The following FAM149A variants were observed in gnomAD, a reference collection of about 807,000 sequenced individuals.
FAM149A encodes the protein protein FAM149A.
Under a neutral mutation model 78.2 loss-of-function variants are expected in FAM149A, and 71 were observed. The ratio of observed to expected loss-of-function variants is 0.91; its 90% CI spans 0.75 to 1.11. The LOEUF (loss-of-function observed/expected upper bound fraction) is 1.11, where lower values mean the gene tolerates loss of function less well. Among genes scored for constraint, FAM149A ranks in the 50% least tolerant of loss-of-function variants. The probability of loss-of-function intolerance (pLI) is 0.00; values close to 1 mark genes in which losing one functional copy is unlikely to be tolerated. For missense variants in FAM149A, 1,036 were observed against 971.0 expected, an observed-to-expected ratio of 1.07 and a Z score of -0.89; for synonymous variants, 446 against 410.5, an observed-to-expected ratio of 1.09 and a Z score of -1.04.
intron 1 of FAM149A, chr4:186,125,300 G>A (rs903387711): frequency 3.0e-5 from 30 of 985,128 alleles, no homozygotes; most frequent in Middle Eastern, 5.2e-4. Flanking sequence ...CCTGCTTCTC[G>A]AACCATATCT....
At chr4:186,106,115 T>G (rs1008865988) in intron 1 of FAM149A, among the ~76,000 whole-genome samples, 1 of 152,196 alleles carries the variant, frequency 6.6e-6, no homozygotes, top group African/African-American at 2.4e-5. Context: ...GGGATGGGTC[T>G]CCTTTGTGTG....
chr4:186,105,499 C>CAG lies in FAM149A; in HGVS notation c.424_425dup (p.Asn143GlyfsTer62). On this transcript the variant is annotated frameshift_variant, in exon 1 of 14. Coordinates refer to ENST00000389354, the MANE Select transcript of FAM149A (RefSeq NM_001367768.3). LOFTEE classifies it high-confidence loss of function. ...CCGGCGGGGTCTGGGCCGCGCTCCC[C>CAG]AGGAACCCGCTCCAGCCTGGCCCCG... 1 of 1,186,906 alleles carries CAG rather than the reference C, an allele frequency of 8.4e-7. No homozygotes were observed. The highest frequency in any genetic ancestry group is 1.5e-5 in the South Asian group (1 of 65,902). The allele number at this position is 1,186,906 out of a possible 1,614,324, so 73.5% of individuals were successfully genotyped here. A position where few individuals can be genotyped will look rare whatever the true frequency, so the allele number is the denominator to read the frequency against.
At chr4:186,162,812 T>TC in intron 8 of FAM149A, 33 bp from the exon 9 acceptor site, 1 of 113,654 alleles carries the variant, frequency 8.8e-6, no homozygotes, top group East Asian at 1.0e-4. Flanking sequence ...TTGTAATTCT[T>TC]TTTTTTTTTT....
chr4:186,113,815 T>C (rs1380893402), intron 1 of FAM149A, among the ~76,000 whole-genome samples: 1 of 150,636 alleles, frequency 6.6e-6, no homozygotes, highest in African/African-American at 2.4e-5. Flanking sequence ...TACTTCCAAG[T>C]ATGTGGTCAA....
intron 8 of FAM149A, chr4:186,158,679 T>A: frequency 9.2e-7 from 1 of 1,090,954 alleles, no homozygotes; most frequent in Admixed American, 4.3e-5. Context: ...CTGCACGCAC[T>A]GCTGCTCAGC....
At chr4:186,149,031 TGC>T (rs762672222) in intron 1 of FAM149A, 140 bp from the exon 2 acceptor site, 1 of 339,452 alleles carries the variant, frequency 2.9e-6, no homozygotes, top group Non-Finnish European at 5.5e-6. Context: ...TGTGTGTGTG[TGC>T]GCTCATGCAC....
chr4:186,158,300 C>T, intron 8 of FAM149A: 1 of 1,218,724 alleles, frequency 8.2e-7, no homozygotes, highest in Non-Finnish European at 1.0e-6. Context: ...GGCGTCTTGG[C>T]TAGCCCACCT....
chr4:186,156,509 A>C (rs1734040522), intron 7 of FAM149A, among the ~76,000 whole-genome samples: 1 of 152,160 alleles, frequency 6.6e-6, no homozygotes, highest in African/African-American at 2.4e-5. Flanking sequence ...GCCTACCTCT[A>C]CTAAAAATAC....
intron 1 of FAM149A, among the ~76,000 whole-genome samples, chr4:186,132,500 C>T (rs1460594524): frequency 6.6e-6 from 1 of 152,140 alleles, no homozygotes; most frequent in Admixed American, 6.5e-5. Flanking sequence ...AGGTCTCAAC[C>T]GATTTAGAAA....
chr4:186,150,927 G>C (rs1009894660), intron 3 of FAM149A: 1 of 384,188 alleles, frequency 2.6e-6, no homozygotes, highest in African/African-American at 2.2e-5. Context: ...TCACCATGTT[G>C]GCCAGGCTGG....
At chr4:186,129,148 TGTGTCTGTGC>T (rs199854734) in intron 1 of FAM149A, among the ~76,000 whole-genome samples, 21,887 of 142,844 alleles carry the variant, frequency 0.15, 1,662 homozygotes, top group Middle Eastern at 0.21. Flanking sequence ...TGTGTCTGTG[TGTGTCTGTGC>T]ATGTGTGTAT....
At chr4:186,143,089 A>ATAAAAG (rs1003827240) in intron 1 of FAM149A, among the ~76,000 whole-genome samples, 10 of 151,920 alleles carry the variant, frequency 6.6e-5, no homozygotes, top group Admixed American at 5.2e-4. Context: ...AATAATATAT[A>ATAAAAG]TAAAAGTAAA....
chr4:186,171,030 C>A (rs1270498959), intron 13 of FAM149A: 2 of 152,426 alleles, frequency 1.3e-5, no homozygotes, highest in East Asian at 3.9e-4. Flanking sequence ...AGAACCACAT[C>A]TTTCTGCGGT....
In FAM149A at chr4:186,144,919, C is replaced by A. The variant is rs1222410860; in HGVS notation, c.567-4254C>A. On this transcript the variant is annotated intron_variant, in intron 1 of 13. Coordinates refer to ENST00000389354, the MANE Select transcript of FAM149A (RefSeq NM_001367768.3). The surrounding 1 kb of genome is among the most constrained non-coding windows in gnomAD (Gnocchi z 4.2). ...CCCGGGCCGCCTGAGCTGGGCCAGC[C>A]GCGCGGCGGGCGCGGGCGCGGGCGC... The A allele has an allele frequency of 4.2e-6, 4 of 942,754 alleles. No homozygotes were observed. Among genetic ancestry groups the A allele is most frequent in the Admixed American group, 1.6e-4 (2 of 12,702 alleles). 58.4% of individuals were successfully genotyped at this position (942,754 alleles called of 1,614,324 possible). A position where few individuals can be genotyped will look rare whatever the true frequency, so the allele number is the denominator to read the frequency against.
rs1173927445 is a variant in FAM149A at position 186,136,964 on chromosome 4, TTCTCTCTCTCTTTCTCTCTC to T, written c.567-12197_567-12178del. On this transcript the variant is annotated intron_variant, in intron 1 of 13. Transcript: ENST00000389354. ...TCTCTCTCTCTCTCTCTCTCTCTCT[TTCTCTCTCTCTTTCTCTCTC>T]TCTCTCTCTCTCTCTCTCTCTCTCT... 6.9e-4 allele frequency among the ~76,000 whole-genome samples: 67 copies of T among 97,096 alleles called. 1 individual carries two copies. Among genetic ancestry groups the T allele is most frequent in the Middle Eastern group, 5.8e-3 (1 of 172 alleles). 63.7% of individuals were successfully genotyped at this position (97,096 alleles called of 152,430 possible).
At chr4:186,115,441 A>G (rs200373936) in intron 1 of FAM149A, among the ~76,000 whole-genome samples, 40,128 of 144,032 alleles carry the variant, frequency 0.28, 5,988 homozygotes, top group East Asian at 0.51. Context: ...CTGGTGAGGA[A>G]CTGCGTTCCT....
At chr4:186,150,927 G>T in intron 3 of FAM149A, 1 of 384,182 alleles carries the variant, frequency 2.6e-6, no homozygotes, top group Non-Finnish European at 3.6e-6. Flanking sequence ...TCACCATGTT[G>T]GCCAGGCTGG....
At chr4:186,134,694 T>A (rs1241552270) in intron 1 of FAM149A, among the ~76,000 whole-genome samples, 1 of 152,184 alleles carries the variant, frequency 6.6e-6, no homozygotes, top group Non-Finnish European at 1.5e-5. Context: ...TAGGATTTAC[T>A]TACAATTAAA....
At chr4:186,153,998 A>G (rs1579892907) in intron 5 of FAM149A, among the ~76,000 whole-genome samples, 1 of 152,216 alleles carries the variant, frequency 6.6e-6, no homozygotes, top group Non-Finnish European at 1.5e-5. Flanking sequence ...TGGAACACAC[A>G]TGCACACACA....
Sources: allele counts gnomAD v4.1 joint callset (sites outside exome capture counted in the v4.1 genomes callset), GRCh38; gene constraint gnomAD v4.1.1; non-coding constraint Gnocchi (gnomAD v3.1); transcripts MANE v1.5; gene names NCBI Gene and HGNC (gene_info 2026-07-23, HGNC 2026-07-21).